The following AK5 variants were observed in gnomAD, a reference collection of about 807,000 sequenced individuals.
AK5 encodes the protein adenylate kinase isoenzyme 5.
In AK5, 27 loss-of-function variants were observed where a neutral mutation model predicts 69.5. The ratio of observed to expected loss-of-function variants is 0.39; its 90% CI spans 0.29 to 0.54. The LOEUF (loss-of-function observed/expected upper bound fraction) is 0.54. Among genes scored for constraint, AK5 ranks in the 20% least tolerant of loss-of-function variants. The probability of loss-of-function intolerance (pLI) is 0.71; values close to 1 mark genes in which losing one functional copy is unlikely to be tolerated. For synonymous variants in AK5, 260 were observed against 244.4 expected, an observed-to-expected ratio of 1.06 and a Z score of -0.60; for missense variants, 531 against 700.4, an observed-to-expected ratio of 0.76 and a Z score of 2.73.
intron 12 of AK5, among the ~76,000 whole-genome samples, chr1:77,531,312 A>T (rs959973138): frequency 2.0e-5 from 3 of 152,034 alleles, no homozygotes; most frequent in Admixed American, 1.3e-4. Context: ...GTGGACGGGG[A>T]CCCCAGCGGG....
chr1:77,466,219 A>G (rs1317240929), intron 8 of AK5, among the ~76,000 whole-genome samples: 1 of 151,976 alleles, frequency 6.6e-6, no homozygotes, highest in Non-Finnish European at 1.5e-5. Flanking sequence ...TTCCTGGGAC[A>G]TGTTTGTCAC....
chr1:77,350,875 G>A (rs1227905965), intron 6 of AK5, among the ~76,000 whole-genome samples: 3 of 152,158 alleles, frequency 2.0e-5, no homozygotes, highest in African/African-American at 4.8e-5. Flanking sequence ...TCCAAGCAAA[G>A]GGAGAGTAGA....
chr1:77,443,677 C>CTGTGTGTG (rs71244408), intron 8 of AK5, among the ~76,000 whole-genome samples: 1,901 of 134,100 alleles, frequency 0.014, 28 homozygotes, highest in East Asian at 0.04. Context: ...TGTGGGGAGT[C>CTGTGTGTG]TGTGTGTGTG....
At chr1:77,529,044 A>T (rs1658433021) in intron 12 of AK5, among the ~76,000 whole-genome samples, 1 of 152,044 alleles carries the variant, frequency 6.6e-6, no homozygotes, top group Non-Finnish European at 1.5e-5. Context: ...AATAATGTGT[A>T]TTTTTTCTGA....
intron 6 of AK5, chr1:77,340,914 A>G (rs572222362): frequency 5.4e-6 from 1 of 185,258 alleles, no homozygotes; most frequent in South Asian, 1.4e-4. Flanking sequence ...TGTCTTTGGA[A>G]GCCTAACAAA....
intron 10 of AK5, among the ~76,000 whole-genome samples, chr1:77,491,813 A>G (rs1291818274): frequency 6.6e-6 from 1 of 152,212 alleles, no homozygotes; most frequent in Non-Finnish European, 1.5e-5. Flanking sequence ...GAATGCTCCT[A>G]TCCATCTTCT....
At chr1:77,454,975 C>T (rs904707519) in intron 8 of AK5, among the ~76,000 whole-genome samples, 1 of 152,142 alleles carries the variant, frequency 6.6e-6, no homozygotes, top group Non-Finnish European at 1.5e-5. Flanking sequence ...GAAGCTTTTT[C>T]CACTATCCAA....
chr1:77,470,065 G>A (rs1471076677), intron 8 of AK5, among the ~76,000 whole-genome samples: 3 of 152,174 alleles, frequency 2.0e-5, no homozygotes, highest in African/African-American at 7.2e-5. Context: ...CCTTAAGGGA[G>A]TTAAAACTAT....
chr1:77,558,917 A>G lies in AK5; in HGVS notation c.*247A>G, dbSNP rs10873950. On this transcript the variant is annotated 3_prime_UTR_variant, in exon 14 of 14. Transcript: ENST00000354567. ...AGACAACTGTCTGCACTCACGGCAC[A>G]CACACTTTGTATCATGCAGGCCACA... The G allele has an allele frequency of 0.73, 306,759 of 422,168 alleles. 112,853 individuals carry two copies. Among genetic ancestry groups the G allele is most frequent in the Admixed American group, 0.79 (20,209 of 25,530 alleles). 26.2% of individuals were successfully genotyped at this position (422,168 alleles called of 1,614,324 possible).
intron 12 of AK5, among the ~76,000 whole-genome samples, chr1:77,524,709 G>T (rs529582569): frequency 6.6e-6 from 1 of 151,990 alleles, no homozygotes. Flanking sequence ...TCACTCTTTT[G>T]GTTGTGTCCT....
At chr1:77,291,770 T>C (rs1370972141) in intron 2 of AK5, among the ~76,000 whole-genome samples, 2 of 152,204 alleles carry the variant, frequency 1.3e-5, no homozygotes, top group Non-Finnish European at 2.9e-5. Flanking sequence ...ATGAAACTTA[T>C]AATCCAATAG....
intron 5 of AK5, among the ~76,000 whole-genome samples, chr1:77,339,574 C>T (rs1202331492): frequency 6.6e-6 from 1 of 152,002 alleles, no homozygotes; most frequent in East Asian, 1.9e-4. Context: ...CTTAATTTCT[C>T]AGAGCCTCAG....
intron 11 of AK5, among the ~76,000 whole-genome samples, chr1:77,519,159 TC>T (rs759224344): frequency 6.6e-6 from 1 of 152,148 alleles, no homozygotes; most frequent in Non-Finnish European, 1.5e-5. Flanking sequence ...TTTAAGAATA[TC>T]CCCTTTTCTA....
intron 6 of AK5, among the ~76,000 whole-genome samples, chr1:77,348,330 CT>C (rs1662014869): frequency 6.6e-6 from 1 of 152,178 alleles, no homozygotes; most frequent in Non-Finnish European, 1.5e-5. Context: ...CAATTCCCAC[CT>C]ATGAGTGAGT....
At chr1:77,455,200 C>T (rs1176507184) in intron 8 of AK5, among the ~76,000 whole-genome samples, 1 of 152,180 alleles carries the variant, frequency 6.6e-6, no homozygotes, top group Non-Finnish European at 1.5e-5. Context: ...CCAAATCTCC[C>T]TGACTTCAAA....
chr1:77,409,483 G>A (rs1367738702), intron 6 of AK5, among the ~76,000 whole-genome samples: 1 of 152,104 alleles, frequency 6.6e-6, no homozygotes, highest in East Asian at 1.9e-4. Context: ...TTTCTCTAAT[G>A]ATCAGTGATA....
Position 77,416,360 on chromosome 1 carries a change from A to G in AK5, c.983-1279A>G, listed in dbSNP as rs188119965. On this transcript the variant is annotated intron_variant, in intron 7 of 13. Transcript: ENST00000354567. Reference sequence around the variant, plus strand: ...TGGCAAGGGCTGTGCTGACAGCATGACTAGCATCACCCAGGGTTGTTCTGA... The same window carrying G: ...TGGCAAGGGCTGTGCTGACAGCATGGCTAGCATCACCCAGGGTTGTTCTGA... 2.7e-3 allele frequency among the ~76,000 whole-genome samples: 404 copies of G among 152,304 alleles called. 1 individual carries two copies. Among genetic ancestry groups the G allele is most frequent in the Admixed American group, 4.0e-3 (61 of 15,282 alleles).
intron 8 of AK5, among the ~76,000 whole-genome samples, chr1:77,425,306 C>G (rs959305227): frequency 2.0e-5 from 3 of 152,116 alleles, no homozygotes; most frequent in Non-Finnish European, 2.9e-5. Flanking sequence ...TGACATAGAG[C>G]CAGGCATGGT....
At chr1:77,498,916 C>T (rs1433110060) in intron 10 of AK5, among the ~76,000 whole-genome samples, 1 of 152,234 alleles carries the variant, frequency 6.6e-6, no homozygotes, top group Non-Finnish European at 1.5e-5. Context: ...AGTGGTGTTT[C>T]ACCTACAACC....
Sources: gnomAD v4.1 joint callset for allele counts (sites outside exome capture counted in the v4.1 genomes callset) on GRCh38, gnomAD v4.1.1 for gene constraint, MANE v1.5 for transcripts, NCBI Gene and HGNC (gene_info 2026-07-23, HGNC 2026-07-21) for gene names.